PCDHGA6: variants seen among roughly 807,000 people sequenced by gnomAD.
PCDHGA6 encodes the protein protocadherin gamma subfamily A, 6.
In PCDHGA6, 41 loss-of-function variants were observed where a neutral mutation model predicts 60.6. The ratio of observed to expected loss-of-function variants is 0.68; its 90% CI spans 0.53 to 0.88. The LOEUF is 0.88. Ranked by LOEUF, PCDHGA6 falls within the 40% of genes least tolerant of loss-of-function variation. The pLI is 0.00. For synonymous variants in PCDHGA6, 594 were observed against 524.4 expected (o/e 1.13, Z -1.81); for missense variants, 1,312 against 1,203.0 (o/e 1.09, Z -1.34).
At chr5:141,481,607 C>A (rs2099540195) in intron 1 of PCDHGA6, among the ~76,000 whole-genome samples, 1 of 152,158 alleles carries the variant, frequency 6.6e-6, no homozygotes, top group Admixed American at 6.5e-5. Flanking sequence ...CACCTGAGGC[C>A]AGGAGTTCAA....
chr5:141,414,318 G>A (rs1212643655), intron 1 of PCDHGA6: 1 of 1,613,772 alleles, frequency 6.2e-7, no homozygotes, highest in Non-Finnish European at 8.5e-7. Context: ...TAGACTCTGA[G>A]CAGAATGGAC....
chr5:141,480,457 G>GT (rs1309116577), intron 1 of PCDHGA6, among the ~76,000 whole-genome samples: 4 of 152,060 alleles, frequency 2.6e-5, no homozygotes, highest in Non-Finnish European at 5.9e-5. Flanking sequence ...ATTTTTATTA[G>GT]TTCCTCACTC....
At position 141,476,114 on chromosome 5, in the gene PCDHGA6, G is replaced by C; in HGVS notation, c.2425-18693G>C. 3.8e-6 allele frequency: 6 copies of C among 1,592,296 alleles called. No homozygotes were observed. Among genetic ancestry groups the C allele is most frequent in the Non-Finnish European group, 5.1e-6 (6 of 1,171,536 alleles). On this transcript the variant is annotated intron_variant, in intron 1 of 3. Coordinates refer to ENST00000517434, the MANE Select transcript of PCDHGA6 (RefSeq NM_018919.3). This position sits in a 1 kb window ranked among gnomAD's most constrained non-coding sequence, Gnocchi z 7.6. Reference sequence around the variant, plus strand: ...CCGCTGAGAGGAACTGCTTTTGAGTGAGATGGTCCCAGAGGCCTGGAGGAG... The same window carrying C: ...CCGCTGAGAGGAACTGCTTTTGAGTCAGATGGTCCCAGAGGCCTGGAGGAG...
chr5:141,396,611 C>T (rs1310113508), intron 1 of PCDHGA6: 1 of 150,986 alleles, frequency 6.6e-6, no homozygotes, highest in Non-Finnish European at 1.5e-5. Flanking sequence ...CAGGGTGAGA[C>T]TCCGTCTCAA....
At chr5:141,508,896 C>A (rs1171693212) in intron 3 of PCDHGA6, among the ~76,000 whole-genome samples, 1 of 151,862 alleles carries the variant, frequency 6.6e-6, no homozygotes, top group Non-Finnish European at 1.5e-5. Context: ...GGGGAGGGGG[C>A]GGGGCGGTGG....
At position 141,511,146 on chromosome 5, in the gene PCDHGA6, G is replaced by T; in HGVS notation, c.2772G>T (p.Lys924Asn). 1 of 1,614,208 alleles carries T rather than the reference G, an allele frequency of 6.2e-7. No individual in the cohort carries two copies. Among genetic ancestry groups the T allele is most frequent in the Non-Finnish European group, 8.5e-7 (1 of 1,180,018 alleles). The change falls in exon 4 of 4, where the codon AAG becomes AAT. Residue 924 changes from lysine to asparagine, a missense_variant. Lys to Asn is a moderately conservative substitution (Grantham distance 94). Coordinates refer to ENST00000517434, the MANE Select transcript of PCDHGA6 (RefSeq NM_018919.3). Reference protein sequence around the residue: ...KAPAGGNGNKKKSGKKEKK With the variant: ...KAPAGGNGNKNKSGKKEKK The stretch of plus-strand genomic sequence containing the variant: ...CAGCAGGTGGCAATGGCAACAAGAA[G>T]AAGTCGGGCAAGAAGGAGAAGAAGT...
At chr5:141,417,007 C>A (rs1204390468) in intron 1 of PCDHGA6, 1 of 148,406 alleles carries the variant, frequency 6.7e-6, no homozygotes, top group Non-Finnish European at 1.5e-5. Flanking sequence ...TCAAATAATT[C>A]TATTATTTTG....
At chr5:141,383,254 A>G (rs1482301595) in intron 1 of PCDHGA6, 1 of 1,613,948 alleles carries the variant, frequency 6.2e-7, no homozygotes, top group African/African-American at 1.3e-5. Context: ...TCTTTACCCT[A>G]TAGACGTGGA....
intron 1 of PCDHGA6, chr5:141,413,652 G>A: frequency 6.2e-7 from 1 of 1,613,780 alleles, no homozygotes; most frequent in Non-Finnish European, 8.5e-7. Context: ...TTCCTCTCCC[G>A]GAAGCTATTG....
chr5:141,408,918 C>T, intron 1 of PCDHGA6: 1 of 1,613,408 alleles, frequency 6.2e-7, no homozygotes. Flanking sequence ...AATGATAACC[C>T]CCCGGTTTTC....
intron 1 of PCDHGA6, chr5:141,408,349 C>T: frequency 6.2e-7 from 1 of 1,613,924 alleles, no homozygotes; most frequent in Non-Finnish European, 8.5e-7. Context: ...TGGTGGGGAA[C>T]CTCGCTAAGG....
At chr5:141,436,707 T>C (rs985035872) in intron 1 of PCDHGA6, among the ~76,000 whole-genome samples, 18 of 152,208 alleles carry the variant, frequency 1.2e-4, no homozygotes, top group African/African-American at 4.3e-4. Context: ...GCACACTCGA[T>C]GTTCTGTTGG....
intron 1 of PCDHGA6, among the ~76,000 whole-genome samples, chr5:141,445,277 A>G (rs769047096): frequency 6.6e-6 from 1 of 152,256 alleles, no homozygotes; most frequent in African/African-American, 2.4e-5. Flanking sequence ...ACCACTCTGC[A>G]TAAGTTCAGG....
intron 1 of PCDHGA6, among the ~76,000 whole-genome samples, chr5:141,447,234 G>T (rs534523483): frequency 9.9e-4 from 150 of 152,170 alleles, no homozygotes; most frequent in Non-Finnish European, 1.8e-3. Flanking sequence ...CCGCCTCCCG[G>T]GTTCAAGTGA....
intron 3 of PCDHGA6, among the ~76,000 whole-genome samples, chr5:141,505,782 T>A (rs1163025757): frequency 6.6e-6 from 1 of 152,204 alleles, no homozygotes; most frequent in Non-Finnish European, 1.5e-5. Context: ...CTAGCTCTGC[T>A]ACTATCCTTG....
At chr5:141,495,841 G>A (rs1187067340) in intron 2 of PCDHGA6, among the ~76,000 whole-genome samples, 1 of 151,864 alleles carries the variant, frequency 6.6e-6, no homozygotes, top group Non-Finnish European at 1.5e-5. Context: ...CAGCCTCTAT[G>A]TTTCTCTGTC....
At position 141,432,297 on chromosome 5, in the gene PCDHGA6, T is replaced by C. The variant is rs1339659774; in HGVS notation, c.2424+55790T>C. 3.1e-6 allele frequency: 5 copies of C among 1,614,040 alleles called. No individual in the cohort carries two copies. The highest frequency in any genetic ancestry group is 1.7e-5 in the Admixed American group (1 of 60,006). ...GTGTCCATCAACTCCGACACTGGGG[T>C]ACTGTATGCGCTGAGCTCCTTCGAC... On this transcript the variant is annotated intron_variant, in intron 1 of 3. Transcript: ENST00000517434. This position sits in a 1 kb window ranked among gnomAD's most constrained non-coding sequence, Gnocchi z 6.0.
Position 141,431,915 on chromosome 5 carries a change from A to G in PCDHGA6, c.2424+55408A>G. 1 of 1,614,040 alleles carries G rather than the reference A, an allele frequency of 6.2e-7. No homozygotes were observed. The highest frequency in any genetic ancestry group is 8.5e-7 in the Non-Finnish European group (1 of 1,179,854). On this transcript the variant is annotated intron_variant, in intron 1 of 3. Coordinates refer to ENST00000517434, the MANE Select transcript of PCDHGA6 (RefSeq NM_018919.3). The surrounding 1 kb of genome is among the most constrained non-coding windows in gnomAD (Gnocchi z 4.8). ...GGAAAACGGACAGGTGATCTGTTTC[A>G]TCCAAGGAAATCTGCCCTTTAAATT...
chr5:141,427,568 T>A (rs1260622772), intron 1 of PCDHGA6: 1 of 660,576 alleles, frequency 1.5e-6, no homozygotes, highest in Admixed American at 2.1e-5. Flanking sequence ...AGGGCAAGCC[T>A]CCGCTCTCAT....
Sources: gnomAD v4.1 joint callset for allele counts (sites outside exome capture counted in the v4.1 genomes callset) on GRCh38, gnomAD v4.1.1 for gene constraint, Gnocchi (gnomAD v3.1) non-coding constraint, MANE v1.5 for transcripts, NCBI Gene and HGNC (gene_info 2026-07-23, HGNC 2026-07-21) for gene names.